RABGEF1: variants seen among roughly 807,000 people sequenced by gnomAD.
RABGEF1 encodes the protein rab5 GDP/GTP exchange factor.
In RABGEF1, 26 loss-of-function variants were observed where a neutral mutation model predicts 57.3. The ratio of observed to expected loss-of-function variants is 0.45; its 90% CI spans 0.33 to 0.63. RABGEF1 has a LOEUF of 0.63. RABGEF1 is among the 20% of genes least tolerant of loss of function. The pLI, the probability that RABGEF1 is intolerant of heterozygous loss-of-function variation, is 0.02. For missense variants in RABGEF1, 464 were observed against 607.6 expected, an observed-to-expected ratio of 0.76 and a Z score of 2.48; for synonymous variants, 185 against 210.7, an observed-to-expected ratio of 0.88 and a Z score of 1.06.
intron 2 of RABGEF1, among the ~76,000 whole-genome samples, chr7:66,716,226 A>T (rs1795377917): frequency 6.6e-6 from 1 of 152,208 alleles, no homozygotes; most frequent in Non-Finnish European, 1.5e-5. Flanking sequence ...ATGTAAATAT[A>T]ATCAGTTCAG....
chr7:66,790,447 T>C (rs1014329612), intron 4 of RABGEF1, among the ~76,000 whole-genome samples: 1 of 152,154 alleles, frequency 6.6e-6, no homozygotes, highest in Non-Finnish European at 1.5e-5. Context: ...TCATCACACT[T>C]ATGAACTACA....
chr7:66,683,184 C>T lies in RABGEF1; in HGVS notation c.-873+926C>T, dbSNP rs117699827. On this transcript the variant is annotated intron_variant and NMD_transcript_variant, in intron 1 of 9. Transcript: ENST00000607882. ...TTCGAGATGGGATCTCACAATGTTA[C>T]CCAGGCAGGTGTCAAACTCCTGGCC... is the stretch of plus-strand genomic sequence containing the variant. 2.1e-3 allele frequency among the ~76,000 whole-genome samples: 324 copies of T among 152,198 alleles called. 9 individuals are homozygous for T. The East Asian group carries it at 0.057, about 27-fold the overall frequency.
upstream of RABGEF1, among the ~76,000 whole-genome samples, chr7:66,738,027 T>TTG (rs1562756321): frequency 1.3e-5 from 2 of 150,098 alleles, no homozygotes; most frequent in East Asian, 3.9e-4. Context: ...TTTTTTGTTT[T>TTG]TTTTTTTTTT....
intron 1 of RABGEF1, among the ~76,000 whole-genome samples, chr7:66,759,687 G>T (rs1166446247): frequency 6.6e-6 from 1 of 152,190 alleles, no homozygotes; most frequent in African/African-American, 2.4e-5. Context: ...GGGAGCAGGA[G>T]CAAGAGAGAA....
chr7:66,728,986 T>C (rs1230290089), intron 2 of RABGEF1, among the ~76,000 whole-genome samples: 1 of 149,630 alleles, frequency 6.7e-6, no homozygotes, highest in African/African-American at 2.5e-5. Context: ...AGTCTTGCTC[T>C]GTCACCCAGG....
chr7:66,771,894 A>G lies in RABGEF1; in HGVS notation c.-6A>G, dbSNP rs771064295. The G allele has an allele frequency of 6.7e-7, 1 of 1,497,152 alleles. No individual in the cohort carries two copies. The highest frequency in any genetic ancestry group is 1.4e-5 in the African/African-American group (1 of 70,246). 92.7% of individuals were successfully genotyped at this position (1,497,152 alleles called of 1,614,324 possible). Reference sequence around the variant, plus strand: ...TCTTGTTTGTTCAGTGGTTAGCAGGAAGAAGATGAGCCTTAAGTCTGAACG... The same window carrying G: ...TCTTGTTTGTTCAGTGGTTAGCAGGGAGAAGATGAGCCTTAAGTCTGAACG... On this transcript the variant is annotated 5_prime_UTR_variant, in exon 2 of 9. Transcript: ENST00000284957.
At chr7:66,697,467 C>G (rs1792521146) in intron 1 of RABGEF1, among the ~76,000 whole-genome samples, 1 of 152,228 alleles carries the variant, frequency 6.6e-6, no homozygotes. Context: ...GTGGCTCTGT[C>G]TGCCCATCCC....
intron 1 of RABGEF1, among the ~76,000 whole-genome samples, chr7:66,691,412 A>G (rs865975449): frequency 1.5e-4 from 23 of 152,224 alleles, no homozygotes; most frequent in African/African-American, 5.1e-4. Context: ...AAATGATGGT[A>G]TATCCATATA....
In RABGEF1 at chr7:66,790,265, G is replaced by C. The variant is rs114227813; in HGVS notation, c.514-5246G>C. Among the ~76,000 whole-genome samples, 1,201 of 152,296 alleles carry C rather than the reference G, an allele frequency of 7.9e-3. 15 individuals are homozygous for C. The highest frequency in any genetic ancestry group is 0.026 in the African/African-American group (1,097 of 41,546). ...AACAATGAGTGGAGTCCAGATTCAGGAAGTGTTCAGCAAGCACTGCCAAGC... is the reference window on the plus strand; with the variant it reads ...AACAATGAGTGGAGTCCAGATTCAGCAAGTGTTCAGCAAGCACTGCCAAGC... On this transcript the variant is annotated intron_variant, in intron 4 of 8. Coordinates refer to ENST00000284957, the MANE Select transcript of RABGEF1 (RefSeq NM_014504.3).
chr7:66,764,843 G>A (rs567308721), intron 1 of RABGEF1, among the ~76,000 whole-genome samples: 40 of 152,228 alleles, frequency 2.6e-4, no homozygotes, highest in South Asian at 2.3e-3. Context: ...TGCCAGTACC[G>A]CGCTGTAGTA....
chr7:66,662,953 C>CATGTGTGTGCAGGT, the RABGEF1 span, among the ~76,000 whole-genome samples: 1 of 152,138 alleles, frequency 6.6e-6, no homozygotes, highest in Admixed American at 6.5e-5. Flanking sequence ...CGTGTGCAGG[C>CATGTGTGTGCAGGT]ATGTGTGTGC....
rs1358985868 is a variant in RABGEF1 at position 66,810,224 on chromosome 7, C to A, written c.*940C>A. ...CCTCCATAATATACATTTGACTTTG[C>A]AAACGTCTAGACATGTTTTCTGAAC... On this transcript the variant is annotated 3_prime_UTR_variant, in exon 9 of 9. Coordinates refer to ENST00000284957, the MANE Select transcript of RABGEF1 (RefSeq NM_014504.3). 6.6e-6 allele frequency: 1 copy of A among 152,180 alleles called. No individual in the cohort carries two copies. Among genetic ancestry groups the A allele is most frequent in the East Asian group, 1.9e-4 (1 of 5,196 alleles). The allele number at this position is 152,180 out of a possible 1,614,324, so 9.4% of individuals were successfully genotyped here.
rs763564368 is a variant in RABGEF1 at position 66,809,177 on chromosome 7, C to T, written c.1369C>T (p.Pro457Ser). 7.4e-6 allele frequency: 12 copies of T among 1,614,140 alleles called. No individual in the cohort carries two copies. Among genetic ancestry groups the T allele is most frequent in the Non-Finnish European group, 1.0e-5 (12 of 1,180,018 alleles). The change falls in exon 9 of 9, where the codon CCA becomes TCA. Residue 457 changes from proline (P) to serine (S), a missense_variant. Around this residue, in one of 4 missense-constraint regions of RABGEF1, gnomAD observed 151 missense variants for 152.2 expected, o/e 0.99. Coordinates refer to ENST00000284957, the MANE Select transcript of RABGEF1 (RefSeq NM_014504.3). ...REVQDIVEKYPLEIKPPNQPL... is the reference protein window; with the variant it reads ...REVQDIVEKYSLEIKPPNQPL... ...AGTTCAAGACATCGTTGAGAAATAC[C>T]CACTGGAAATTAAGCCTCCGAATCA...
At chr7:66,743,153 C>G (rs1252253604) in intron 1 of RABGEF1, among the ~76,000 whole-genome samples, 1 of 151,896 alleles carries the variant, frequency 6.6e-6, no homozygotes, top group Admixed American at 6.6e-5. Context: ...ACTAAAAACA[C>G]TAAAATTAGC....
At chr7:66,720,796 G>T (rs1795959808) in intron 2 of RABGEF1, among the ~76,000 whole-genome samples, 1 of 152,174 alleles carries the variant, frequency 6.6e-6, no homozygotes. Flanking sequence ...TGTATAGAAA[G>T]TCCCAGGAGA....
chr7:66,655,506 T>TC, the RABGEF1 span, among the ~76,000 whole-genome samples: 6 of 151,972 alleles, frequency 3.9e-5, no homozygotes, highest in Admixed American at 6.6e-5. Context: ...AGAGCTACTT[T>TC]CCCCCCCTAA....
chr7:66,773,115 TGTTGA>T (rs146510941), intron 2 of RABGEF1, among the ~76,000 whole-genome samples: 15,293 of 150,958 alleles, frequency 0.1, 846 homozygotes, highest in Non-Finnish European at 0.11. Flanking sequence ...AGCCAATATT[TGTTGA>T]GTGACTCCTT....
chr7:66,682,509 G>C (rs1199085557), intron 1 of RABGEF1, among the ~76,000 whole-genome samples: 1 of 152,198 alleles, frequency 6.6e-6, no homozygotes, highest in Non-Finnish European at 1.5e-5. Context: ...TCCAGCGCCC[G>C]GCCGTGCCCC....
intron 2 of RABGEF1, among the ~76,000 whole-genome samples, chr7:66,772,479 G>A (rs1201742655): frequency 6.6e-6 from 1 of 152,122 alleles, no homozygotes; most frequent in Non-Finnish European, 1.5e-5. Context: ...ATTTAGCATG[G>A]CATCTAGCTC....
Sources: allele counts gnomAD v4.1 joint callset (sites outside exome capture counted in the v4.1 genomes callset), GRCh38; gene constraint gnomAD v4.1.1; regional missense constraint gnomAD v4.1.1; transcripts MANE v1.5; gene names NCBI Gene and HGNC (gene_info 2026-07-23, HGNC 2026-07-21).